Variants in ZCCHC14 observed in about 807,000 individuals in gnomAD.
The protein encoded by ZCCHC14 is zinc finger CCHC domain-containing protein 14.
ZCCHC14 carries 16 observed loss-of-function variants against 85.0 expected under a neutral mutation model. That is an observed-to-expected ratio of 0.19 (90% CI 0.13 to 0.29). The LOEUF (loss-of-function observed/expected upper bound fraction) is 0.29. ZCCHC14 is among the 10% of genes least tolerant of loss of function. The pLI is 1.00. For synonymous variants in ZCCHC14, 775 were observed against 630.7 expected, an observed-to-expected ratio of 1.23 and a Z score of -3.43; for missense variants, 1,303 against 1,443.5, an observed-to-expected ratio of 0.90 and a Z score of 1.58.
At chr16:87,488,025 T>C (rs759715377) in intron 1 of ZCCHC14, among the ~76,000 whole-genome samples, 1 of 152,032 alleles carries the variant, frequency 6.6e-6, no homozygotes, top group African/African-American at 2.4e-5. Context: ...TTTGGGGAGA[T>C]GGAAACGTTC....
At chr16:87,486,881 T>C (rs1042647255) in intron 1 of ZCCHC14, among the ~76,000 whole-genome samples, 1 of 152,204 alleles carries the variant, frequency 6.6e-6, no homozygotes, top group Non-Finnish European at 1.5e-5. Flanking sequence ...GCTATTCCTT[T>C]AACCATCAGT....
At chr16:87,456,387 G>C (rs8052135) in intron 2 of ZCCHC14, among the ~76,000 whole-genome samples, 66 of 151,786 alleles carry the variant, frequency 4.3e-4, no homozygotes, top group African/African-American at 1.5e-3. Context: ...AAAAATAGCC[G>C]GGCGTGGTGG....
At chr16:87,429,922 TA>T (rs1181154716) in intron 3 of ZCCHC14, among the ~76,000 whole-genome samples, 3 of 152,194 alleles carry the variant, frequency 2.0e-5, no homozygotes, top group East Asian at 1.9e-4. Flanking sequence ...CCCCATCTCT[TA>T]AAAAAAAGTT....
intron 1 of ZCCHC14, among the ~76,000 whole-genome samples, chr16:87,482,640 A>T (rs2878141): frequency 6.6e-6 from 1 of 152,280 alleles, no homozygotes. Flanking sequence ...ATGAGGTCAT[A>T]TGGATGGAGA....
At chr16:87,451,925 T>A (rs569520269) in intron 2 of ZCCHC14, among the ~76,000 whole-genome samples, 5 of 152,372 alleles carry the variant, frequency 3.3e-5, no homozygotes, top group Admixed American at 3.3e-4. Context: ...GGGCAGTTAT[T>A]TCACCCCTCA....
chr16:87,455,712 G>C lies in ZCCHC14; in HGVS notation c.694+4296C>G, dbSNP rs192844610. ...TACAGATGGTCCCTGACTGAAGATG[G>C]CTGGAGTTGACGATTTTTCGACTTT... On this transcript the variant is annotated intron_variant, in intron 2 of 12. Coordinates refer to ENST00000671377, the MANE Select transcript of ZCCHC14 (RefSeq NM_015144.3). 1.3e-3 allele frequency among the ~76,000 whole-genome samples: 202 copies of C among 152,320 alleles called. 1 individual carries two copies. Among genetic ancestry groups the C allele is most frequent in the Middle Eastern group, 3.4e-3 (1 of 294 alleles).
chr16:87,413,210 C>A lies in ZCCHC14; in HGVS notation c.1604-15G>T. The A allele has an allele frequency of 1.3e-6, 2 of 1,525,310 alleles. No individual in the cohort carries two copies. Among genetic ancestry groups the A allele is most frequent in the Non-Finnish European group, 1.8e-6 (2 of 1,138,382 alleles). The allele number at this position is 1,525,310 out of a possible 1,614,324, so 94.5% of individuals were successfully genotyped here. A position where few individuals can be genotyped will look rare whatever the true frequency, so the allele number is the denominator to read the frequency against. ...CACCCGCAGCTCTGCAGAAAAGGGA[C>A]AGAGGAGCAGCCATCAACTAGCGCC... On this transcript the variant is annotated splice_polypyrimidine_tract_variant and intron_variant, in intron 10 of 12. Transcript: ENST00000671377.
intron 1 of ZCCHC14, among the ~76,000 whole-genome samples, chr16:87,484,474 G>A (rs116769230): frequency 1.4e-3 from 216 of 152,360 alleles, no homozygotes; most frequent in African/African-American, 5.1e-3. Context: ...ACTAGAGACA[G>A]CAGGAGTGAC....
chr16:87,462,907 A>T (rs935732907), intron 1 of ZCCHC14, among the ~76,000 whole-genome samples: 1 of 151,588 alleles, frequency 6.6e-6, no homozygotes, highest in African/African-American at 2.4e-5. Context: ...CGTCTCTACT[A>T]AAAATACGAA....
In ZCCHC14 at chr16:87,412,913, G is replaced by C; in HGVS notation, c.1808C>G (p.Thr603Ser). ...EKPVMLLNHF[T>S]SSSARPTAQV... The stretch of plus-strand genomic sequence containing the variant: ...GGCCGTGGGTCTGGCGGAACTGGAA[G>C]TGAAGTGATTCAGCAGCATCACCGG... Residue 603 changes from threonine (T) to serine (S), a missense_variant, in exon 12 of 13, where the codon ACT becomes AGT. This residue lies in a region of ZCCHC14 where 797 missense variants were observed against 730.8 expected (regional missense o/e 1.09). Transcript: ENST00000671377. 1 of 1,601,868 alleles carries C rather than the reference G, an allele frequency of 6.2e-7. No individual in the cohort carries two copies. Among genetic ancestry groups the C allele is most frequent in the South Asian group, 1.1e-5 (1 of 89,054 alleles).
intron 9 of ZCCHC14, among the ~76,000 whole-genome samples, 199 bp downstream of exon 9, chr16:87,415,077 C>T (rs1908714259): frequency 6.6e-6 from 1 of 152,016 alleles, no homozygotes; most frequent in African/African-American, 2.4e-5. Flanking sequence ...GAGCGAGACT[C>T]CGTCTCAAAA....
intron 2 of ZCCHC14, among the ~76,000 whole-genome samples, chr16:87,454,941 C>A (rs1056140822): frequency 5.9e-5 from 9 of 152,192 alleles, no homozygotes; most frequent in Non-Finnish European, 1.0e-4. Flanking sequence ...AAATGCTCTG[C>A]CACGGCTGAC....
At chr16:87,444,209 G>A (rs145092662) in intron 2 of ZCCHC14, among the ~76,000 whole-genome samples, 27 of 152,240 alleles carry the variant, frequency 1.8e-4, no homozygotes, top group South Asian at 4.1e-4. Flanking sequence ...AACCTAGGCC[G>A]TTGGAAATTG....
intron 1 of ZCCHC14, chr16:87,472,048 T>G (rs1379518011): frequency 6.6e-6 from 1 of 152,054 alleles, no homozygotes; most frequent in Non-Finnish European, 1.5e-5. Flanking sequence ...AAAAACAACT[T>G]TATGCAACAG....
chr16:87,478,275 G>T (rs546937929), intron 1 of ZCCHC14, among the ~76,000 whole-genome samples: 1 of 152,170 alleles, frequency 6.6e-6, no homozygotes, highest in Non-Finnish European at 1.5e-5. Flanking sequence ...CTAAAATCAC[G>T]CAACGAAGGA....
At chr16:87,418,962 T>G in intron 6 of ZCCHC14, 61 bp from the exon 7 acceptor site, 2 of 1,467,044 alleles carry the variant, frequency 1.4e-6, no homozygotes. Context: ...TTGTTTTATT[T>G]TATTATTTTT....
At chr16:87,411,264 G>T (rs1055870150) in intron 12 of ZCCHC14, 3 of 1,042,230 alleles carry the variant, frequency 2.9e-6, no homozygotes, top group Non-Finnish European at 2.7e-6. Flanking sequence ...GCAGTCCAGG[G>T]AGGCCCTGTC....
chr16:87,412,463 A>C lies in ZCCHC14; in HGVS notation c.2258T>G (p.Val753Gly). ...CCCCGTGGCGGCCGTGCTGGTCTCC[A>C]CGACCAGGGCCGGTTGCTGTGCTGT... Reference protein sequence around the residue: ...LKTAQQPALVVETSTAATGTP... With the variant: ...LKTAQQPALVGETSTAATGTP... The change falls in exon 12 of 13, where the codon GTG becomes GGG. Residue 753 changes from valine to glycine, a missense_variant. Physicochemically the swap from Val to Gly is moderately radical, Grantham distance 109. Coordinates refer to ENST00000671377, the MANE Select transcript of ZCCHC14 (RefSeq NM_015144.3). 1 of 1,613,930 alleles carries C rather than the reference A, an allele frequency of 6.2e-7. No individual in the cohort carries two copies. The highest frequency in any genetic ancestry group is 1.1e-5 in the South Asian group (1 of 91,074).
intron 1 of ZCCHC14, among the ~76,000 whole-genome samples, chr16:87,483,304 C>CAAAA (rs56708958): frequency 2.3e-5 from 1 of 43,660 alleles, no homozygotes; most frequent in African/African-American, 8.6e-5. Flanking sequence ...CTAAAAATAC[C>CAAAA]AAAAAAAAAA....
Sources: allele counts gnomAD v4.1 joint callset (sites outside exome capture counted in the v4.1 genomes callset), GRCh38; gene constraint gnomAD v4.1.1; regional missense constraint gnomAD v4.1.1; transcripts MANE v1.5; gene names NCBI Gene and HGNC (gene_info 2026-07-23, HGNC 2026-07-21).